STRIP1: variants seen among roughly 807,000 people sequenced by gnomAD.
The protein encoded by STRIP1 is striatin-interacting protein 1.
Under a neutral mutation model 106.2 loss-of-function variants are expected in STRIP1, and 63 were observed. The ratio of observed to expected loss-of-function variants is 0.59; its 90% CI spans 0.48 to 0.73. The LOEUF is 0.73. Among genes scored for constraint, STRIP1 ranks in the 30% least tolerant of loss-of-function variants. The pLI, the probability that STRIP1 is intolerant of heterozygous loss-of-function variation, is 0.00. For missense variants in STRIP1, 857 were observed against 1,074.8 expected (o/e 0.80, Z 2.83); for synonymous variants, 390 against 413.0 (o/e 0.94, Z 0.67).
chr1:110,036,656 C>G lies in STRIP1; in HGVS notation c.181-1235C>G, dbSNP rs376162461. 4.6e-5 allele frequency among the ~76,000 whole-genome samples: 7 copies of G among 152,202 alleles called. No homozygotes were observed. In the South Asian group the frequency reaches 1.2e-3, roughly 27 times the overall value. ...CAGGGAGGCTCACATTTGATGAGAG[C>G]CCACTATGTACTACATAATTTTGAT... is the stretch of plus-strand genomic sequence containing the variant. On this transcript the variant is annotated intron_variant, in intron 1 of 20. Coordinates refer to ENST00000369795, the MANE Select transcript of STRIP1 (RefSeq NM_033088.4).
At chr1:110,053,587 A>G (rs892831496) in intron 20 of STRIP1, 78 bp from the exon 21 acceptor site, 9 of 1,568,218 alleles carry the variant, frequency 5.7e-6, no homozygotes, top group East Asian at 4.5e-5. Context: ...TTGACACTCA[A>G]TATTCCTGGC....
At chr1:110,034,620 G>C, upstream of STRIP1, 1 of 1,503,926 alleles carries the variant, frequency 6.6e-7, no homozygotes, top group Non-Finnish European at 8.9e-7. Flanking sequence ...GTTAAGCTGG[G>C]GGTGTGGAGC....
At chr1:110,038,034 A>T in intron 2 of STRIP1, 74 bp downstream of exon 2, 1 of 764,794 alleles carries the variant, frequency 1.3e-6, no homozygotes, top group Non-Finnish European at 2.2e-6. Context: ...AATAATGAAT[A>T]TCATTTAGGG....
intron 6 of STRIP1, 183 bp from the exon 7 acceptor site, chr1:110,041,353 G>GAACA (rs2101770898): frequency 1.8e-6 from 1 of 557,706 alleles, no homozygotes; most frequent in Non-Finnish European, 3.2e-6. Context: ...CCACCTCTGT[G>GAACA]GTTTTTTTCT....
intron 17 of STRIP1, chr1:110,050,029 G>A: frequency 2.5e-6 from 1 of 402,942 alleles, no homozygotes; most frequent in South Asian, 2.6e-5. Flanking sequence ...AGAAAGGTTT[G>A]GCATAAATTA....
chr1:110,037,875 C>T lies in STRIP1; in HGVS notation c.181-16C>T, dbSNP rs776653604. The T allele has an allele frequency of 1.3e-6, 2 of 1,586,126 alleles. No homozygotes were observed. Among genetic ancestry groups the T allele is most frequent in the Admixed American group, 3.3e-5 (2 of 59,842 alleles). ...GAATGATCCTTTTTCCTAAAGCTCT[C>T]TCCTCTTGTCAGCAGGGCTATTCGG... On this transcript the variant is annotated splice_polypyrimidine_tract_variant and intron_variant, in intron 1 of 20. Coordinates refer to ENST00000369795, the MANE Select transcript of STRIP1 (RefSeq NM_033088.4).
rs1652641299 is a variant in STRIP1 at position 110,039,293 on chromosome 1, C to G, written c.447C>G (p.Leu149=). 6.2e-7 allele frequency: 1 copy of G among 1,614,056 alleles called. No individual in the cohort carries two copies. Residue 149 remains leucine (L), a synonymous_variant, in exon 4 of 21, where the codon CTC becomes CTG. Transcript: ENST00000369795. ...EKRLKVARAI[L]YVAQGTFGEC... ...GACTCAAGGTGGCTCGAGCAATTCT[C>G]TATGTTGCTCAAGGTATTGAGTGGA...
intron 12 of STRIP1, among the ~76,000 whole-genome samples, chr1:110,046,000 GT>G (rs1653003104): frequency 6.6e-6 from 1 of 152,182 alleles, no homozygotes; most frequent in Non-Finnish European, 1.5e-5. Flanking sequence ...GAGTGAAACT[GT>G]TTTTATGTTT....
At position 110,041,547 on chromosome 1, in the gene STRIP1, A is replaced by G; in HGVS notation, c.662A>G (p.Asn221Ser). The G allele has an allele frequency of 6.2e-7, 1 of 1,613,938 alleles. No homozygotes were observed. Among genetic ancestry groups the G allele is most frequent in the Non-Finnish European group, 8.5e-7 (1 of 1,179,832 alleles). The stretch of plus-strand genomic sequence containing the variant: ...GCTCTTGTCCTCAGGGTCCTGCTCA[A>G]CATCATGTACCTGATAGTGGAGACC... ...ADSTDLRVLL[N>S]IMYLIVETVH... Residue 221 changes from asparagine (N) to serine (S), a missense_variant, in exon 7 of 21, where the codon AAC becomes AGC. By Grantham distance (46) the Asn-to-Ser change is conservative (BLOSUM62 1). This residue lies in a region of STRIP1 where 750 missense variants were observed against 989.8 expected (regional missense o/e 0.76). Transcript: ENST00000369795.
Position 110,044,961 on chromosome 1 carries a change from G to A in STRIP1, c.1353-54G>A, listed in dbSNP as rs1026185749. On this transcript the variant is annotated intron_variant, in intron 11 of 20. Coordinates refer to ENST00000369795, the MANE Select transcript of STRIP1 (RefSeq NM_033088.4). ...AGCTCTCCCGGCCTTTGGTGTTTGG[G>A]ATCCCAGGTGATTTGATGTCGAGGC... is the stretch of plus-strand genomic sequence containing the variant. 5 of 1,613,474 alleles carry A rather than the reference G, an allele frequency of 3.1e-6. No individual in the cohort carries two copies. In the Admixed American group the frequency reaches 6.7e-5, roughly 22 times the overall value.
intron 10 of STRIP1, 55 bp downstream of exon 10, chr1:110,043,911 C>A: frequency 1.3e-6 from 2 of 1,513,342 alleles, no homozygotes; most frequent in Non-Finnish European, 1.8e-6. Flanking sequence ...CCCTCACACC[C>A]TCAGGCCTGC....
chr1:110,054,167 A>G lies in STRIP1; in HGVS notation c.*255A>G. 2.0e-6 allele frequency: 1 copy of G among 489,868 alleles called. No individual in the cohort carries two copies. The highest frequency in any genetic ancestry group is 3.8e-5 in the East Asian group (1 of 26,600). 30.3% of individuals were successfully genotyped at this position (489,868 alleles called of 1,614,324 possible). On this transcript the variant is annotated 3_prime_UTR_variant, in exon 21 of 21. Coordinates refer to ENST00000369795, the MANE Select transcript of STRIP1 (RefSeq NM_033088.4). ...CTTCCCCCACCCTCCTCTCTTGGATATGGTTGGTTTTGGCTCATTTCACAA... is the reference window on the plus strand; with the variant it reads ...CTTCCCCCACCCTCCTCTCTTGGATGTGGTTGGTTTTGGCTCATTTCACAA...
At chr1:110,048,269 C>G (rs1653125402) in intron 15 of STRIP1, 1 of 209,250 alleles carries the variant, frequency 4.8e-6, no homozygotes, top group Non-Finnish European at 9.8e-6. Flanking sequence ...TAGAGACATC[C>G]CTTTTCGCCA....
rs186131047 is a variant in STRIP1, at chr1:110,046,836, G to A, written c.1488+85G>A. 9.1e-6 allele frequency: 9 copies of A among 993,012 alleles called. No homozygotes were observed. In the African/African-American group the frequency reaches 1.1e-4, roughly 12 times the overall value. 61.5% of individuals were successfully genotyped at this position (993,012 alleles called of 1,614,324 possible). A position where few individuals can be genotyped will look rare whatever the true frequency, so the allele number is the denominator to read the frequency against. On this transcript the variant is annotated intron_variant, in intron 13 of 20. Transcript: ENST00000369795. ...GGAGGCCGAGGAGGGCAGATCATGA[G>A]GTCAGGAGATTGAGACCATCCTGGC...
At chr1:110,035,727 A>G (rs1040087267) in intron 1 of STRIP1, among the ~76,000 whole-genome samples, 2 of 152,176 alleles carry the variant, frequency 1.3e-5, no homozygotes. Flanking sequence ...TGATCAGCCA[A>G]GTTAATGAGA....
Position 110,051,753 on chromosome 1 carries a change from T to G in STRIP1, c.2132T>G (p.Leu711Arg). 2.5e-6 allele frequency: 4 copies of G among 1,613,820 alleles called. No homozygotes were observed. The highest frequency in any genetic ancestry group is 3.4e-6 in the Non-Finnish European group (4 of 1,180,028). Residue 711 changes from leucine to arginine, a missense_variant, in exon 20 of 21, where the codon CTC (leucine) becomes CGC (arginine). Physicochemically the swap from Leu to Arg is moderately radical, Grantham distance 102. This residue lies in a region of STRIP1 where 750 missense variants were observed against 989.8 expected (regional missense o/e 0.76). Transcript: ENST00000369795. ...AAGGTGAAACAAGCCATGATGCAGC[T>G]CTATGTGCTGAAGCTGCTCAAGGTA... is the stretch of plus-strand genomic sequence containing the variant. ...ALKVKQAMMQ[L>R]YVLKLLKVQT...
At chr1:110,033,943 C>T (rs558902843), upstream of STRIP1, among the ~76,000 whole-genome samples, 1 of 152,364 alleles carries the variant, frequency 6.6e-6, no homozygotes, top group East Asian at 1.9e-4. Context: ...CCCACTATAT[C>T]TTGTTGGAGT....
intron 17 of STRIP1, 171 bp from the exon 18 acceptor site, chr1:110,050,171 GA>G: frequency 1.6e-6 from 1 of 619,548 alleles, no homozygotes; most frequent in South Asian, 2.0e-5. Context: ...TCTTGTAACA[GA>G]TATTTCCTCA....
rs1326693485 is a variant in STRIP1 at position 110,039,159 on chromosome 1, T to C, written c.326-13T>C. ...TTTCTAGGCTCAGGTGTAACTGGTT[T>C]CTTGCCCTGCAGTGACAGACAAGAA... On this transcript the variant is annotated splice_polypyrimidine_tract_variant and intron_variant, in intron 3 of 20. Coordinates refer to ENST00000369795, the MANE Select transcript of STRIP1 (RefSeq NM_033088.4). 1.2e-6 allele frequency: 2 copies of C among 1,613,498 alleles called. No homozygotes were observed. Among genetic ancestry groups the C allele is most frequent in the African/African-American group, 1.3e-5 (1 of 74,896 alleles).
Sources: allele counts gnomAD v4.1 joint callset (sites outside exome capture counted in the v4.1 genomes callset), GRCh38; gene constraint gnomAD v4.1.1; regional missense constraint gnomAD v4.1.1; transcripts MANE v1.5; gene names NCBI Gene and HGNC (gene_info 2026-07-23, HGNC 2026-07-21).